Variants in TMEM132D observed in about 807,000 individuals in gnomAD.
TMEM132D encodes mature OL transmembrane protein.
TMEM132D carries 21 observed loss-of-function variants against 62.3 expected under a neutral mutation model. That is an observed-to-expected ratio of 0.34 (90% confidence interval 0.24 to 0.49). TMEM132D has a LOEUF of 0.49. Among genes scored for constraint, TMEM132D ranks in the 20% least tolerant of loss-of-function variants. The pLI is 0.99. For synonymous variants in TMEM132D, 621 were observed against 575.6 expected, an observed-to-expected ratio of 1.08 and a Z score of -1.13; for missense variants, 1,346 against 1,402.8, an observed-to-expected ratio of 0.96 and a Z score of 0.65.
chr12:129,149,357 C>T (rs554121616), intron 5 of TMEM132D, among the ~76,000 whole-genome samples: 59 of 152,122 alleles, frequency 3.9e-4, no homozygotes, highest in Non-Finnish European at 6.8e-4. Context: ...AAAAAACCTG[C>T]ACGTTCTGCA....
At chr12:129,397,228 T>G (rs1439358852) in intron 3 of TMEM132D, among the ~76,000 whole-genome samples, 1 of 152,188 alleles carries the variant, frequency 6.6e-6, no homozygotes, top group Non-Finnish European at 1.5e-5. Flanking sequence ...TTTATTAATC[T>G]CTTCAAATGG....
intron 3 of TMEM132D, among the ~76,000 whole-genome samples, chr12:129,495,839 G>T (rs945706538): frequency 6.6e-6 from 1 of 152,148 alleles, no homozygotes; most frequent in Non-Finnish European, 1.5e-5. Context: ...GGGAGGGCTG[G>T]GTTCCAGGTG....
intron 4 of TMEM132D, among the ~76,000 whole-genome samples, chr12:129,230,604 G>A (rs1045420381): frequency 7.2e-5 from 11 of 152,192 alleles, no homozygotes; most frequent in African/African-American, 2.2e-4. Flanking sequence ...CACTACTGTG[G>A]AGACCACACC....
intron 2 of TMEM132D, among the ~76,000 whole-genome samples, chr12:129,647,243 G>GTGT (rs1879809018): frequency 8.5e-6 from 1 of 117,594 alleles, no homozygotes; most frequent in South Asian, 2.9e-4. Flanking sequence ...TTGTTTTTCT[G>GTGT]TTTTTTTTTT....
chr12:129,488,771 G>A (rs1874667601), intron 3 of TMEM132D, among the ~76,000 whole-genome samples: 1 of 152,112 alleles, frequency 6.6e-6, no homozygotes, highest in African/African-American at 2.4e-5. Context: ...GTGGGCAGGG[G>A]CTAGGGGCAA....
At chr12:129,205,510 A>G (rs1878820618) in intron 5 of TMEM132D, among the ~76,000 whole-genome samples, 1 of 152,220 alleles carries the variant, frequency 6.6e-6, no homozygotes, top group African/African-American at 2.4e-5. Flanking sequence ...ATCCAAATTC[A>G]TAAAGCAAGT....
chr12:129,731,545 G>A (rs1436809136), intron 1 of TMEM132D, among the ~76,000 whole-genome samples: 1 of 152,134 alleles, frequency 6.6e-6, no homozygotes, highest in East Asian at 1.9e-4. Context: ...TGCCAGGTGT[G>A]TATGAATAAC....
intron 8 of TMEM132D, among the ~76,000 whole-genome samples, chr12:129,077,628 TACAC>T (rs1874307926): frequency 6.7e-6 from 1 of 148,358 alleles, no homozygotes; most frequent in South Asian, 2.1e-4. Context: ...CAACAGAAAA[TACAC>T]AAGACACACA....
rs1414504821 is a variant in TMEM132D, at chr12:129,532,066, T to C, written c.969-861A>G. Among the ~76,000 whole-genome samples the C allele has an allele frequency of 1.4e-4, 21 of 151,946 alleles. No homozygotes were observed. In the East Asian group the frequency reaches 3.5e-3, roughly 25 times the overall value. On this transcript the variant is annotated intron_variant, in intron 2 of 8. Coordinates refer to ENST00000422113, the MANE Select transcript of TMEM132D (RefSeq NM_133448.3). ...GTGAGATCCTGCCTCAAAAGAAAAA[T>C]AATAATAAATAAAATATAAAATAAA...
At chr12:129,411,326 C>T (rs759177334) in intron 3 of TMEM132D, among the ~76,000 whole-genome samples, 1 of 152,092 alleles carries the variant, frequency 6.6e-6, no homozygotes, top group South Asian at 2.1e-4. Context: ...TAGTAAACTA[C>T]TCTGCTTTAG....
chr12:129,825,351 C>T (rs1391664951), intron 1 of TMEM132D, among the ~76,000 whole-genome samples: 1 of 152,044 alleles, frequency 6.6e-6, no homozygotes, highest in Non-Finnish European at 1.5e-5. Flanking sequence ...CCTGGGTGGG[C>T]GACTGCTTCA....
intron 4 of TMEM132D, among the ~76,000 whole-genome samples, chr12:129,233,831 C>T (rs1203015253): frequency 2.6e-5 from 4 of 151,550 alleles, no homozygotes; most frequent in African/African-American, 4.9e-5. Flanking sequence ...ATTTTTTACA[C>T]GATTGGGTCT....
At chr12:129,236,493 C>G (rs1489361466) in intron 4 of TMEM132D, among the ~76,000 whole-genome samples, 3 of 107,160 alleles carry the variant, frequency 2.8e-5, no homozygotes, top group Non-Finnish European at 5.2e-5. Context: ...CCAGCCTGGG[C>G]AATGGAGTGA....
At chr12:129,767,338 C>T (rs1173694323) in intron 1 of TMEM132D, among the ~76,000 whole-genome samples, 1 of 152,064 alleles carries the variant, frequency 6.6e-6, no homozygotes, top group Admixed American at 6.5e-5. Flanking sequence ...GCTCCTAGAC[C>T]CAGCTGAAGA....
chr12:129,099,344 G>T (rs1480198587), intron 5 of TMEM132D, among the ~76,000 whole-genome samples: 4 of 152,144 alleles, frequency 2.6e-5, no homozygotes, highest in Non-Finnish European at 4.4e-5. Flanking sequence ...TGCCATTTTT[G>T]AGTTGATTTT....
intron 3 of TMEM132D, among the ~76,000 whole-genome samples, chr12:129,366,833 C>T (rs1478674574): frequency 6.6e-6 from 1 of 152,104 alleles, no homozygotes; most frequent in African/African-American, 2.4e-5. Flanking sequence ...TCTCGGGGAA[C>T]CACACACACA....
rs569731383 is a variant in TMEM132D, at chr12:129,592,137, T to G, written c.969-60932A>C. 1.2e-3 allele frequency among the ~76,000 whole-genome samples: 184 copies of G among 152,330 alleles called. 2 individuals carry two copies. The highest frequency in any genetic ancestry group is 9.7e-4 in the Non-Finnish European group (66 of 68,026). ...ACCCCACTGATTATAAGACATGTCT[T>G]AATTCGTGTAACACTAAAATATTCA... is the stretch of plus-strand genomic sequence containing the variant. On this transcript the variant is annotated intron_variant, in intron 2 of 8. Transcript: ENST00000422113.
chr12:129,373,190 T>G (rs1870668136), intron 3 of TMEM132D, among the ~76,000 whole-genome samples: 2 of 152,186 alleles, frequency 1.3e-5, no homozygotes, highest in South Asian at 4.1e-4. Flanking sequence ...ATCCTTTCTG[T>G]GAACAAATCC....
intron 1 of TMEM132D, among the ~76,000 whole-genome samples, chr12:129,786,513 C>T (rs1016316906): frequency 6.6e-5 from 10 of 152,192 alleles, no homozygotes; most frequent in African/African-American, 2.4e-4. Flanking sequence ...ATGGGTATTA[C>T]GTGTAATGTT....
Sources: gnomAD v4.1 joint callset for allele counts (sites outside exome capture counted in the v4.1 genomes callset) on GRCh38, gnomAD v4.1.1 for gene constraint, MANE v1.5 for transcripts, NCBI Gene and HGNC (gene_info 2026-07-23, HGNC 2026-07-21) for gene names.